ASAP1: variants seen among roughly 807,000 people sequenced by gnomAD.
The protein encoded by ASAP1 is arf-GAP with SH3 domain, ANK repeat and PH domain-containing protein 1.
Under a neutral mutation model 145.2 loss-of-function variants are expected in ASAP1, and 43 were observed. The observed-to-expected ratio is 0.30, with a 90% CI of 0.23 to 0.38. The LOEUF (loss-of-function observed/expected upper bound fraction) is 0.38. ASAP1 is among the 10% of genes least tolerant of loss of function. The probability of loss-of-function intolerance (pLI) is 1.00; values close to 1 mark genes in which losing one functional copy is unlikely to be tolerated. For missense variants in ASAP1, 1,018 were observed against 1,355.3 expected (o/e 0.75, Z 3.91); for synonymous variants, 546 against 515.5 (o/e 1.06, Z -0.80).
At chr8:130,337,824 CT>C (rs1296977363) in intron 3 of ASAP1, among the ~76,000 whole-genome samples, 3 of 152,234 alleles carry the variant, frequency 2.0e-5, no homozygotes, top group African/African-American at 2.4e-5. Context: ...AATGGCCAGA[CT>C]TGGTAGCAAA....
At chr8:130,074,344 T>A (rs1340484908) in intron 27 of ASAP1, among the ~76,000 whole-genome samples, 1 of 152,006 alleles carries the variant, frequency 6.6e-6, no homozygotes, top group Admixed American at 6.6e-5. Flanking sequence ...GAATGGGTGA[T>A]AAGTATGTGG....
intron 9 of ASAP1, among the ~76,000 whole-genome samples, chr8:130,178,478 T>C (rs1214933776): frequency 6.6e-6 from 1 of 152,232 alleles, no homozygotes; most frequent in East Asian, 1.9e-4. Flanking sequence ...ATGGTGCCAG[T>C]GTAGAACAAT....
intron 3 of ASAP1, among the ~76,000 whole-genome samples, chr8:130,341,215 C>T (rs938413821): frequency 6.6e-6 from 1 of 152,092 alleles, no homozygotes; most frequent in Non-Finnish European, 1.5e-5. Flanking sequence ...GGGTGCAGGG[C>T]GCCAGGAAGG....
At chr8:130,123,709 C>T (rs570505773) in intron 18 of ASAP1, among the ~76,000 whole-genome samples, 2 of 152,254 alleles carry the variant, frequency 1.3e-5, no homozygotes, top group South Asian at 4.1e-4. Flanking sequence ...TCACTGCAAG[C>T]TCCGCCTCCC....
At position 130,180,739 on chromosome 8, in the gene ASAP1, G is replaced by C. The variant is rs772802965; in HGVS notation, c.660+12C>G. 3 of 1,601,102 alleles carry C rather than the reference G, an allele frequency of 1.9e-6. No individual in the cohort carries two copies. In the African/African-American group the frequency reaches 4.1e-5, roughly 22 times the overall value. The stretch of plus-strand genomic sequence containing the variant: ...ATAATTCTAGGCAAATGGTGGAAAA[G>C]TCCATTCTTACTTCACACATTTGGA... On this transcript the variant is annotated intron_variant, in intron 8 of 29. Coordinates refer to ENST00000518721, the MANE Select transcript of ASAP1 (RefSeq NM_018482.4).
intron 3 of ASAP1, among the ~76,000 whole-genome samples, chr8:130,298,979 A>G (rs1822458528): frequency 6.6e-6 from 1 of 152,212 alleles, no homozygotes; most frequent in African/African-American, 2.4e-5. Context: ...AGTGCTTGGA[A>G]CATAGCATGT....
rs2136446879 is a variant in ASAP1 at position 130,216,034 on chromosome 8, A to AGG, written c.260-1334_260-1333insCC. Among the ~76,000 whole-genome samples, 3 of 133,932 alleles carry AGG rather than the reference A, an allele frequency of 2.2e-5. No individual in the cohort carries two copies. In the East Asian group the frequency reaches 6.5e-4, roughly 29 times the overall value. 87.9% of individuals were successfully genotyped at this position (133,932 alleles called of 152,430 possible). Reference sequence around the variant, plus strand: ...GGAAAGGAAAAAGGAAAGGAAAGGAAAAAGGAAAGGAAAAGAAAGAAAAGG... The same window carrying AGG: ...GGAAAGGAAAAAGGAAAGGAAAGGAAGGAAAGGAAAGGAAAAGAAAGAAAAGG... On this transcript the variant is annotated intron_variant, in intron 4 of 29. Coordinates refer to ENST00000518721, the MANE Select transcript of ASAP1 (RefSeq NM_018482.4).
intron 1 of ASAP1, among the ~76,000 whole-genome samples, chr8:130,421,076 T>C (rs945807710): frequency 5.3e-5 from 8 of 152,144 alleles, no homozygotes; most frequent in Non-Finnish European, 1.2e-4. Flanking sequence ...CTCAGCTCCA[T>C]CCCTTACTAG....
chr8:130,266,027 G>A (rs1820222441), intron 3 of ASAP1, among the ~76,000 whole-genome samples: 1 of 152,184 alleles, frequency 6.6e-6, no homozygotes, highest in African/African-American at 2.4e-5. Context: ...GGTAACCTAA[G>A]GGAGCTTAGG....
intron 1 of ASAP1, 139 bp downstream of exon 1, chr8:130,443,321 G>A (rs1389976328): frequency 6.6e-6 from 1 of 151,642 alleles, no homozygotes; most frequent in African/African-American, 2.4e-5. Context: ...AGGACACCCC[G>A]CTGCGAGAGG....
chr8:130,128,486 G>A (rs1385431573), intron 15 of ASAP1, among the ~76,000 whole-genome samples: 2 of 152,128 alleles, frequency 1.3e-5, no homozygotes, highest in Admixed American at 1.3e-4. Context: ...AAGAAATGAT[G>A]AGAAATGGAG....
intron 13 of ASAP1, among the ~76,000 whole-genome samples, chr8:130,143,605 A>G (rs2097618626): frequency 6.6e-6 from 1 of 152,232 alleles, no homozygotes; most frequent in Admixed American, 6.5e-5. Context: ...GGTACATTTC[A>G]TGAAGAGAAG....
chr8:130,331,833 C>A (rs905298158), intron 3 of ASAP1, among the ~76,000 whole-genome samples: 1 of 152,050 alleles, frequency 6.6e-6, no homozygotes, highest in Non-Finnish European at 1.5e-5. Flanking sequence ...CAATGCACAT[C>A]AAGTGGGGAG....
chr8:130,136,826 C>A, intron 14 of ASAP1, 125 bp downstream of exon 14: 1 of 797,770 alleles, frequency 1.3e-6, no homozygotes, highest in Non-Finnish European at 2.1e-6. Flanking sequence ...GCAGCACATG[C>A]AGGAATAACT....
intron 3 of ASAP1, among the ~76,000 whole-genome samples, chr8:130,333,633 A>C (rs1047582934): frequency 1.3e-5 from 2 of 152,216 alleles, no homozygotes; most frequent in Admixed American, 6.5e-5. Flanking sequence ...AACAAAAAAC[A>C]AACGGCATGG....
intron 29 of ASAP1, 43 bp from the exon 30 acceptor site, chr8:130,054,848 A>G: frequency 6.5e-7 from 1 of 1,546,244 alleles, no homozygotes. Context: ...GGCAGCAGGC[A>G]GTGGCCCCAC....
chr8:130,177,132 C>T (rs373805063), intron 9 of ASAP1, among the ~76,000 whole-genome samples: 17 of 152,298 alleles, frequency 1.1e-4, no homozygotes, highest in Non-Finnish European at 2.4e-4. Flanking sequence ...CAGAACTGGG[C>T]ACAGTAGCTG....
chr8:130,373,881 G>C (rs1827350101), intron 2 of ASAP1, among the ~76,000 whole-genome samples: 1 of 148,076 alleles, frequency 6.8e-6, no homozygotes, highest in Non-Finnish European at 1.5e-5. Context: ...AGATAAACCT[G>C]TGTAATAAAA....
rs574246615 is a variant in ASAP1 at position 130,318,944 on chromosome 8, C to T, written c.186+39073G>A. Among the ~76,000 whole-genome samples the T allele has an allele frequency of 3.0e-4, 45 of 152,220 alleles. 1 individual carries two copies. The highest frequency in any genetic ancestry group is 3.4e-3 in the Middle Eastern group (1 of 294). Reference sequence around the variant, plus strand: ...CAGGAGAAGTGGGAAGGGAAAAAACCCATTAGAAGCAGAATTAAAAGCTAG... The same window carrying T: ...CAGGAGAAGTGGGAAGGGAAAAAACTCATTAGAAGCAGAATTAAAAGCTAG... On this transcript the variant is annotated intron_variant, in intron 3 of 29. Coordinates refer to ENST00000518721, the MANE Select transcript of ASAP1 (RefSeq NM_018482.4).
Sources: gnomAD v4.1 joint callset for allele counts (sites outside exome capture counted in the v4.1 genomes callset) on GRCh38, gnomAD v4.1.1 for gene constraint, MANE v1.5 for transcripts, NCBI Gene and HGNC (gene_info 2026-07-23, HGNC 2026-07-21) for gene names.